Variants in KIF6 observed in about 807,000 individuals in gnomAD.
KIF6 encodes kinesin family member 6, also known as kinesin-like protein KIF6.
KIF6 carries 106 observed loss-of-function variants against 112.7 expected under a neutral mutation model. The observed-to-expected ratio is 0.94, with a 90% CI of 0.80 to 1.11. The LOEUF is 1.11. KIF6 is among the 50% of genes least tolerant of loss of function. The probability of loss-of-function intolerance (pLI) is 0.00; values close to 1 mark genes in which losing one functional copy is unlikely to be tolerated. For missense variants in KIF6, 929 were observed against 964.0 expected (o/e 0.96, Z 0.48); for synonymous variants, 339 against 339.9 (o/e 1.00, Z 0.03).
intron 13 of KIF6, among the ~76,000 whole-genome samples, chr6:39,482,173 T>C (rs1041142924): frequency 6.6e-6 from 1 of 152,216 alleles, no homozygotes; most frequent in Non-Finnish European, 1.5e-5. Context: ...CCATTTCATC[T>C]TTCCTAATGG....
chr6:39,691,237 A>G (rs905954930), intron 3 of KIF6: 6 of 152,238 alleles, frequency 3.9e-5, no homozygotes, highest in African/African-American at 1.4e-4. Context: ...CTGAGAGAAG[A>G]GTAAAGGAAG....
chr6:39,436,480 T>C (rs1442634116), intron 13 of KIF6, among the ~76,000 whole-genome samples: 1 of 151,964 alleles, frequency 6.6e-6, no homozygotes, highest in Non-Finnish European at 1.5e-5. Context: ...TTTTTTTTTC[T>C]GGAATTTTTA....
chr6:39,403,806 T>C (rs1341517809), intron 15 of KIF6, among the ~76,000 whole-genome samples: 1 of 152,208 alleles, frequency 6.6e-6, no homozygotes, highest in Non-Finnish European at 1.5e-5. Flanking sequence ...TTACTTGGTA[T>C]TGTCAGTTAA....
intron 10 of KIF6, among the ~76,000 whole-genome samples, chr6:39,559,549 T>G (rs1779901837): frequency 6.6e-6 from 1 of 152,144 alleles, no homozygotes; most frequent in Non-Finnish European, 1.5e-5. Flanking sequence ...CAGCCCACAT[T>G]ATCAGTAAAA....
chr6:39,525,808 G>GATAA (rs55659921), intron 13 of KIF6, among the ~76,000 whole-genome samples: 10,972 of 147,556 alleles, frequency 0.074, 434 homozygotes, highest in Middle Eastern at 0.12. Context: ...TAACTAAATA[G>GATAA]ATAAATAAAT....
chr6:39,672,354 A>T (rs1786870678), intron 3 of KIF6, among the ~76,000 whole-genome samples: 2 of 152,226 alleles, frequency 1.3e-5, no homozygotes, highest in Non-Finnish European at 1.5e-5. Context: ...GCTTAAAGCC[A>T]TAGTTTCCAA....
intron 13 of KIF6, among the ~76,000 whole-genome samples, chr6:39,507,691 CCTT>C: frequency 7.4e-6 from 1 of 135,194 alleles, no homozygotes; most frequent in African/African-American, 3.0e-5. Flanking sequence ...TTCCTTCCTA[CCTT>C]CCTTCCTTCC....
intron 19 of KIF6, among the ~76,000 whole-genome samples, chr6:39,348,128 C>T (rs1213776425): frequency 1.3e-5 from 2 of 152,216 alleles, no homozygotes; most frequent in Non-Finnish European, 2.9e-5. Flanking sequence ...GGCTTTCCAT[C>T]CTGCAAGTGC....
At chr6:39,527,806 C>T (rs1027527685) in intron 13 of KIF6, among the ~76,000 whole-genome samples, 4 of 152,130 alleles carry the variant, frequency 2.6e-5, no homozygotes, top group Admixed American at 2.0e-4. Flanking sequence ...CAAGACTTTG[C>T]TCATATTATT....
chr6:39,368,923 G>T (rs1765765551), intron 16 of KIF6, among the ~76,000 whole-genome samples: 1 of 152,194 alleles, frequency 6.6e-6, no homozygotes, highest in Non-Finnish European at 1.5e-5. Context: ...CTCTACCATG[G>T]CAGACAAGAC....
At chr6:39,662,880 A>G (rs145672345) in intron 3 of KIF6, among the ~76,000 whole-genome samples, 2,350 of 150,474 alleles carry the variant, frequency 0.016, 15 homozygotes, top group Non-Finnish European at 0.023. Context: ...TCAGCTTAGT[A>G]TCTTTTTTTC....
At chr6:39,496,729 C>T (rs1413624319) in intron 13 of KIF6, among the ~76,000 whole-genome samples, 1 of 152,114 alleles carries the variant, frequency 6.6e-6, no homozygotes, top group Admixed American at 6.5e-5. Flanking sequence ...TCACATCAAA[C>T]CAGGGATGAT....
chr6:39,340,243 AT>A (rs1763251272), intron 22 of KIF6, among the ~76,000 whole-genome samples: 1 of 152,218 alleles, frequency 6.6e-6, no homozygotes, highest in Non-Finnish European at 1.5e-5. Context: ...CGGAATAAAA[AT>A]TGAGCTGTGG....
chr6:39,484,274 G>A (rs1774984520), intron 13 of KIF6, among the ~76,000 whole-genome samples: 1 of 152,188 alleles, frequency 6.6e-6, no homozygotes, highest in African/African-American at 2.4e-5. Flanking sequence ...AATATTTATT[G>A]AGTAGCTTGT....
At chr6:39,606,106 TTTC>T (rs527968723) in intron 6 of KIF6, among the ~76,000 whole-genome samples, 2 of 152,008 alleles carry the variant, frequency 1.3e-5, no homozygotes, top group South Asian at 2.1e-4. Context: ...TTCAGTCACG[TTTC>T]TTCCTCTTCT....
At chr6:39,384,471 C>G (rs1335889850) in intron 16 of KIF6, among the ~76,000 whole-genome samples, 2 of 152,212 alleles carry the variant, frequency 1.3e-5, no homozygotes, top group Admixed American at 6.5e-5. Flanking sequence ...GGGCAGTGTA[C>G]CTGACCCCAG....
At chr6:39,624,159 G>T (rs1411457498) in intron 5 of KIF6, among the ~76,000 whole-genome samples, 1 of 152,136 alleles carries the variant, frequency 6.6e-6, no homozygotes, top group African/African-American at 2.4e-5. Context: ...CATTATTAGT[G>T]GGATAGTCGA....
chr6:39,708,783 G>T (rs1237240441), intron 3 of KIF6, among the ~76,000 whole-genome samples: 1 of 151,868 alleles, frequency 6.6e-6, no homozygotes, highest in Non-Finnish European at 1.5e-5. Context: ...GAATGAAATG[G>T]GCACTCAAGG....
At chr6:39,581,746 C>T (rs896166365) in intron 9 of KIF6, among the ~76,000 whole-genome samples, 5 of 151,964 alleles carry the variant, frequency 3.3e-5, no homozygotes, top group Non-Finnish European at 7.4e-5. Flanking sequence ...CTTGCAACAT[C>T]CCAGGGCTTT....
Sources: allele counts gnomAD v4.1 joint callset (sites outside exome capture counted in the v4.1 genomes callset), GRCh38; gene constraint gnomAD v4.1.1; transcripts MANE v1.5; gene names NCBI Gene and HGNC (gene_info 2026-07-23, HGNC 2026-07-21).